The following PCDHA13 variants were observed in gnomAD, a reference collection of about 807,000 sequenced individuals.
PCDHA13 encodes protocadherin alpha 13.
PCDHA13 carries 54 observed loss-of-function variants against 64.8 expected under a neutral mutation model. The ratio of observed to expected loss-of-function variants is 0.83; its 90% CI spans 0.67 to 1.04. The LOEUF is 1.04. Ranked by LOEUF, PCDHA13 falls within the 50% of genes least tolerant of loss-of-function variation. The probability of loss-of-function intolerance (pLI) is 0.00; values close to 1 mark genes in which losing one functional copy is unlikely to be tolerated. For missense variants in PCDHA13, 1,248 were observed against 1,254.3 expected, an observed-to-expected ratio of 0.99 and a Z score of 0.08; for synonymous variants, 587 against 564.4, an observed-to-expected ratio of 1.04 and a Z score of -0.57.
intron 1 of PCDHA13, chr5:140,929,687 C>T (rs2086294433): frequency 3.5e-6 from 1 of 288,138 alleles, no homozygotes; most frequent in African/African-American, 2.2e-5. Flanking sequence ...ATGTAAGAGT[C>T]TGCTTTATAT....
intron 1 of PCDHA13, among the ~76,000 whole-genome samples, chr5:140,960,614 G>A (rs1167351854): frequency 3.3e-5 from 5 of 152,130 alleles, no homozygotes; most frequent in African/African-American, 1.2e-4. Context: ...AATATCTAGT[G>A]TGTTTTTGAA....
chr5:140,891,970 C>G (rs1554185021), intron 1 of PCDHA13, among the ~76,000 whole-genome samples: 1 of 152,170 alleles, frequency 6.6e-6, no homozygotes, highest in East Asian at 1.9e-4. Flanking sequence ...AGTAAATTTC[C>G]GTTCTCATAA....
intron 3 of PCDHA13, among the ~76,000 whole-genome samples, chr5:141,000,018 A>G (rs2097889437): frequency 6.6e-6 from 1 of 152,038 alleles, no homozygotes; most frequent in East Asian, 1.9e-4. Flanking sequence ...CCCCATTGCT[A>G]AGCCTGACAT....
intron 1 of PCDHA13, among the ~76,000 whole-genome samples, chr5:140,941,845 C>T (rs2093180727): frequency 6.6e-6 from 1 of 152,160 alleles, no homozygotes. Context: ...GCTGCCATTA[C>T]CTGATATTCC....
intron 1 of PCDHA13, among the ~76,000 whole-genome samples, chr5:140,973,235 A>C (rs1390895303): frequency 6.6e-6 from 1 of 152,218 alleles, no homozygotes; most frequent in Non-Finnish European, 1.5e-5. Context: ...GTGACCTGAA[A>C]GAGTTAATTC....
At chr5:140,905,130 G>A (rs2071615464) in intron 1 of PCDHA13, among the ~76,000 whole-genome samples, 1 of 152,178 alleles carries the variant, frequency 6.6e-6, no homozygotes, top group African/African-American at 2.4e-5. Flanking sequence ...GTCTAGAAGA[G>A]TTTTTCTGCT....
chr5:140,985,941 G>T (rs553776294), intron 3 of PCDHA13, among the ~76,000 whole-genome samples: 2 of 151,978 alleles, frequency 1.3e-5, no homozygotes, highest in South Asian at 4.1e-4. Flanking sequence ...GGGTTTCACT[G>T]TGTTAGCCAG....
At chr5:140,938,002 G>A (rs1396127552) in intron 1 of PCDHA13, among the ~76,000 whole-genome samples, 1 of 151,938 alleles carries the variant, frequency 6.6e-6, no homozygotes, top group Non-Finnish European at 1.5e-5. Context: ...TGTATCCAAT[G>A]TTCTTGCTAA....
At position 140,884,150 on chromosome 5, in the gene PCDHA13, A is replaced by G. The variant is rs782776110; in HGVS notation, c.1882A>G (p.Thr628Ala). 8.7e-6 allele frequency: 14 copies of G among 1,613,346 alleles called. No individual in the cohort carries two copies. Among genetic ancestry groups the G allele is most frequent in the Non-Finnish European group, 1.1e-5 (13 of 1,179,738 alleles). The change falls in exon 1 of 4, where the codon ACT becomes GCT. Residue 628 changes from threonine (T) to alanine (A), a missense_variant. Thr to Ala is a moderately conservative substitution (Grantham distance 58). Coordinates refer to ENST00000289272, the MANE Select transcript of PCDHA13 (RefSeq NM_018904.3). ...ARIPFRVGLY[T>A]GEISTTRPLD... ...CATCCCGTTCCGCGTGGGGCTGTAC[A>G]CTGGCGAGATCAGCACGACGCGCCC...
chr5:140,956,707 C>T (rs1461272130), intron 1 of PCDHA13, among the ~76,000 whole-genome samples: 9 of 152,120 alleles, frequency 5.9e-5, no homozygotes, highest in Non-Finnish European at 1.3e-4. Flanking sequence ...TTTGGAATAG[C>T]TTCAGAAGAA....
Position 140,884,391 on chromosome 5 carries a change from C to G in PCDHA13, c.2123C>G (p.Ser708Cys). The stretch of plus-strand genomic sequence containing the variant: ...TTGATCATTGCCATCTGCGCGGTGT[C>G]CAGCCTGTTGGTGCTCACGTTGCTG... ...VYLIIAICAV[S>C]SLLVLTLLLY... The change falls in exon 1 of 4, where the codon TCC becomes TGC. Residue 708 changes from serine to cysteine, a missense_variant. Physicochemically the swap from Ser to Cys is moderately radical, Grantham distance 112 (BLOSUM62 -1). Coordinates refer to ENST00000289272, the MANE Select transcript of PCDHA13 (RefSeq NM_018904.3). 1 of 1,613,982 alleles carries G rather than the reference C, an allele frequency of 6.2e-7. No homozygotes were observed. Among genetic ancestry groups the G allele is most frequent in the Non-Finnish European group, 8.5e-7 (1 of 1,179,886 alleles).
intron 3 of PCDHA13, among the ~76,000 whole-genome samples, chr5:140,997,376 C>T (rs1554255857): frequency 2.6e-5 from 4 of 152,144 alleles, no homozygotes. Flanking sequence ...GATGATATAG[C>T]ATACTACACA....
intron 3 of PCDHA13, among the ~76,000 whole-genome samples, chr5:141,008,684 G>A (rs1426948038): frequency 2.0e-5 from 3 of 152,236 alleles, no homozygotes; most frequent in South Asian, 4.2e-4. Flanking sequence ...TTTAGTTATT[G>A]CATGTATTAA....
chr5:140,994,141 C>T (rs782520855), intron 3 of PCDHA13, among the ~76,000 whole-genome samples: 1 of 152,256 alleles, frequency 6.6e-6, no homozygotes, highest in African/African-American at 2.4e-5. Context: ...TAATGCCCTA[C>T]GTAGGTAGGG....
At chr5:140,886,899 A>G (rs1054848231) in intron 1 of PCDHA13, among the ~76,000 whole-genome samples, 1 of 152,020 alleles carries the variant, frequency 6.6e-6, no homozygotes, top group Admixed American at 6.6e-5. Flanking sequence ...AATGCATTTA[A>G]TAAATACTTA....
chr5:140,993,853 A>G (rs1423193144), intron 3 of PCDHA13, among the ~76,000 whole-genome samples: 5 of 152,198 alleles, frequency 3.3e-5, no homozygotes, highest in African/African-American at 7.2e-5. Context: ...GTAGTAGGCT[A>G]TGCCATCTAG....
At chr5:140,978,839 CT>C in intron 1 of PCDHA13, 109 bp from the exon 2 acceptor site, 3 of 1,556,998 alleles carry the variant, frequency 1.9e-6, no homozygotes, top group Non-Finnish European at 2.6e-6. Context: ...TCATTCAATA[CT>C]TTTTTAGATG....
At chr5:140,995,924 G>T (rs998405229) in intron 3 of PCDHA13, among the ~76,000 whole-genome samples, 2 of 152,308 alleles carry the variant, frequency 1.3e-5, no homozygotes, top group African/African-American at 4.8e-5. Flanking sequence ...ATAGGCTGTT[G>T]TAAGTATTAA....
rs2098417673 is a variant in PCDHA13, at chr5:141,010,569, T to C, written c.*632T>C. ...AAAACTACCCCCACTGACAAGGCTT[T>C]AGGAGACCCTAAAGTCTGTTGGCTG... On this transcript the variant is annotated 3_prime_UTR_variant, in exon 4 of 4. Transcript: ENST00000289272. 1.4e-5 allele frequency: 4 copies of C among 283,140 alleles called. No individual in the cohort carries two copies. The South Asian group carries it at 2.4e-4, about 17-fold the overall frequency. The allele number at this position is 283,140 out of a possible 1,614,324, so 17.5% of individuals were successfully genotyped here.
Sources: allele counts gnomAD v4.1 joint callset (sites outside exome capture counted in the v4.1 genomes callset), GRCh38; gene constraint gnomAD v4.1.1; transcripts MANE v1.5; gene names NCBI Gene and HGNC (gene_info 2026-07-23, HGNC 2026-07-21).